The following DNTT variants were observed in gnomAD, a reference collection of about 807,000 sequenced individuals.
DNTT encodes DNA nucleotidylexotransferase.
A neutral mutation model predicts 60.9 loss-of-function variants in DNTT; 47 were observed. The observed-to-expected ratio is 0.77, with a 90% CI of 0.61 to 0.98. The LOEUF (loss-of-function observed/expected upper bound fraction) is 0.98. Ranked by LOEUF, DNTT falls within the 50% of genes least tolerant of loss-of-function variation. The pLI is 0.00. For missense variants in DNTT, 665 were observed against 627.5 expected, an observed-to-expected ratio of 1.06 and a Z score of -0.64; for synonymous variants, 224 against 221.2, an observed-to-expected ratio of 1.01 and a Z score of -0.11.
Position 96,304,445 on chromosome 10 carries a change from C to G in DNTT, c.-53C>G, listed in dbSNP as rs572802954. The stretch of plus-strand genomic sequence containing the variant: ...TGTAGGAGGGTGGCAGTCTCCCTCC[C>G]TTCTGGAGACACCACCAGATGGGCC... On this transcript the variant is annotated 5_prime_UTR_variant, in exon 1 of 11. Coordinates refer to ENST00000371174, the MANE Select transcript of DNTT (RefSeq NM_004088.4). 1.2e-6 allele frequency: 2 copies of G among 1,606,094 alleles called. No individual in the cohort carries two copies. Among genetic ancestry groups the G allele is most frequent in the Non-Finnish European group, 1.7e-6 (2 of 1,175,812 alleles).
chr10:96,329,311 A>G (rs1844977529), intron 8 of DNTT, among the ~76,000 whole-genome samples: 1 of 152,234 alleles, frequency 6.6e-6, no homozygotes, highest in Non-Finnish European at 1.5e-5. Context: ...TGAGCCCTGC[A>G]GAGGTCATGG....
In DNTT at chr10:96,324,285, G is replaced by T; in HGVS notation, c.770G>T (p.Gly257Val). Residue 257 changes from glycine (G) to valine (V), a missense_variant, in exon 6 of 11, where the codon GGA (glycine) becomes GTA (valine). Gly to Val is a moderately radical substitution (Grantham distance 109). Transcript: ENST00000371174. ...TTTTAGCTCTTTACTTCTGTATTTGGAGTGGGGCTGAAGACTTCTGAGAAG... is the reference window on the plus strand; with the variant it reads ...TTTTAGCTCTTTACTTCTGTATTTGTAGTGGGGCTGAAGACTTCTGAGAAG... ...QSFKLFTSVF[G>V]VGLKTSEKWF... 6.2e-7 allele frequency: 1 copy of T among 1,613,662 alleles called. No homozygotes were observed. Among genetic ancestry groups the T allele is most frequent in the Non-Finnish European group, 8.5e-7 (1 of 1,179,724 alleles).
rs979896515 is a variant in DNTT, at chr10:96,319,189, C to G, written c.379-73C>G. 2.1e-5 allele frequency: 32 copies of G among 1,522,168 alleles called. 1 individual carries two copies. The highest frequency in any genetic ancestry group is 9.4e-5 in the Admixed American group (5 of 53,214). The allele number at this position is 1,522,168 out of a possible 1,614,324, so 94.3% of individuals were successfully genotyped here. A position where few individuals can be genotyped will look rare whatever the true frequency, so the allele number is the denominator to read the frequency against. ...ATCCTCCAACTACAGACAACTACTT[C>G]CAAATTTTTTCCGTACATATCTGTT... On this transcript the variant is annotated intron_variant, in intron 2 of 10. Coordinates refer to ENST00000371174, the MANE Select transcript of DNTT (RefSeq NM_004088.4).
chr10:96,322,549 G>A (rs544081405), intron 4 of DNTT, 108 bp from the exon 5 acceptor site: 112 of 700,968 alleles, frequency 1.6e-4, no homozygotes, highest in Admixed American at 6.3e-4. Flanking sequence ...TGCATGTGAT[G>A]CATGCACATT....
intron 4 of DNTT, among the ~76,000 whole-genome samples, chr10:96,321,437 G>A (rs532781949): frequency 6.6e-6 from 1 of 152,104 alleles, no homozygotes; most frequent in Admixed American, 6.5e-5. Flanking sequence ...GTCTACTGGA[G>A]TTGTATGCAT....
intron 2 of DNTT, among the ~76,000 whole-genome samples, 168 bp downstream of exon 2, chr10:96,318,694 C>G (rs1222836562): frequency 6.6e-6 from 1 of 152,188 alleles, no homozygotes; most frequent in East Asian, 1.9e-4. Flanking sequence ...TATAATATGA[C>G]ATAACGATAA....
intron 9 of DNTT, among the ~76,000 whole-genome samples, chr10:96,334,905 C>A (rs753224868): frequency 7.2e-5 from 11 of 152,186 alleles, no homozygotes; most frequent in African/African-American, 2.7e-4. Context: ...TCAACACATT[C>A]TAGTCTGTTT....
intron 1 of DNTT, chr10:96,306,593 G>A (rs1242758033): frequency 2.0e-5 from 3 of 152,184 alleles, no homozygotes; most frequent in African/African-American, 4.8e-5. Flanking sequence ...CATACAAGGC[G>A]GCTGAGGCAG....
intron 1 of DNTT, among the ~76,000 whole-genome samples, chr10:96,311,125 A>G (rs745978027): frequency 1.3e-5 from 2 of 152,254 alleles, no homozygotes; most frequent in Non-Finnish European, 2.9e-5. Context: ...AGAGTTTGCA[A>G]TAAAACCAAA....
intron 4 of DNTT, among the ~76,000 whole-genome samples, chr10:96,321,689 T>C (rs1036983965): frequency 2.0e-5 from 3 of 152,138 alleles, no homozygotes; most frequent in Non-Finnish European, 4.4e-5. Flanking sequence ...TGCCTCTCTC[T>C]AGCACTGGCT....
intron 6 of DNTT, among the ~76,000 whole-genome samples, chr10:96,326,756 T>C (rs938846397): frequency 3.3e-5 from 5 of 152,214 alleles, no homozygotes; most frequent in African/African-American, 9.6e-5. Flanking sequence ...AGACCCTAGA[T>C]AGGAGAGCAG....
In DNTT at chr10:96,338,255, T is replaced by A; in HGVS notation, c.*31T>A. The A allele has an allele frequency of 6.3e-7, 1 of 1,585,542 alleles. No homozygotes were observed. ...TGTTGTCAACATTTTTTTCCTATTC[T>A]TTTCAAGTTAAATAAATTATGCTTC... On this transcript the variant is annotated 3_prime_UTR_variant, in exon 11 of 11. Coordinates refer to ENST00000371174, the MANE Select transcript of DNTT (RefSeq NM_004088.4).
intron 8 of DNTT, among the ~76,000 whole-genome samples, chr10:96,329,451 A>G (rs1220843212): frequency 6.6e-6 from 1 of 152,178 alleles, no homozygotes; most frequent in African/African-American, 2.4e-5. Context: ...GTCCAACTCT[A>G]GTGAGAGCCT....
At chr10:96,325,100 T>G (rs1844924749) in intron 6 of DNTT, among the ~76,000 whole-genome samples, 1 of 152,120 alleles carries the variant, frequency 6.6e-6, no homozygotes, top group Non-Finnish European at 1.5e-5. Context: ...CCCAGTAAGT[T>G]TTTTAAAAAT....
Position 96,316,010 on chromosome 10 carries a change from A to G in DNTT, c.204-2342A>G, listed in dbSNP as rs74843362. On this transcript the variant is annotated intron_variant, in intron 1 of 10. Transcript: ENST00000371174. ...TGCCATCCAGATGGTCTCAGCTCTG[A>G]CCCCAGCCCACACCTCTCTCTGAGC... Among the ~76,000 whole-genome samples, 103 of 152,152 alleles carry G rather than the reference A, an allele frequency of 6.8e-4. 4 individuals are homozygous for G. In the East Asian group the frequency reaches 0.018, roughly 27 times the overall value.
chr10:96,335,840 T>C (rs780545330), intron 9 of DNTT, 51 bp from the exon 10 acceptor site: 4 of 1,589,184 alleles, frequency 2.5e-6, no homozygotes, highest in South Asian at 1.1e-5. Flanking sequence ...CACCTAATAC[T>C]GAAGACATTC....
At chr10:96,335,110 A>G (rs1007333126) in intron 9 of DNTT, among the ~76,000 whole-genome samples, 7 of 152,220 alleles carry the variant, frequency 4.6e-5, no homozygotes, top group Non-Finnish European at 8.8e-5. Context: ...CCAGTATCCC[A>G]GGCTTGCTCC....
At chr10:96,322,495 A>G (rs1243376714) in intron 4 of DNTT, among the ~76,000 whole-genome samples, 162 bp from the exon 5 acceptor site, 1 of 152,214 alleles carries the variant, frequency 6.6e-6, no homozygotes, top group Non-Finnish European at 1.5e-5. Context: ...TCAAGATTGT[A>G]GGGAAATGTC....
At chr10:96,322,833 G>A in intron 5 of DNTT, 105 bp downstream of exon 5, 1 of 849,428 alleles carries the variant, frequency 1.2e-6, no homozygotes. Context: ...ACAAAATACA[G>A]AGATGGCGTG....
Sources: gnomAD v4.1 joint callset for allele counts (sites outside exome capture counted in the v4.1 genomes callset) on GRCh38, gnomAD v4.1.1 for gene constraint, MANE v1.5 for transcripts, NCBI Gene and HGNC (gene_info 2026-07-23, HGNC 2026-07-21) for gene names.